Variants in LSMEM1 observed in about 807,000 individuals in gnomAD.
The protein encoded by LSMEM1 is leucine-rich single-pass membrane protein 1.
In LSMEM1, 10 loss-of-function variants were observed where a neutral mutation model predicts 11.3. The observed-to-expected ratio is 0.89, with a 90% CI of 0.55 to 1.50. The LOEUF (loss-of-function observed/expected upper bound fraction) is 1.50. LSMEM1 is among the 40% of genes most tolerant of loss of function. The pLI is 0.00. For missense variants in LSMEM1, 151 were observed against 152.9 expected, an observed-to-expected ratio of 0.99 and a Z score of 0.06; for synonymous variants, 65 against 59.3, an observed-to-expected ratio of 1.10 and a Z score of -0.44.
chr7:112,490,469 G>A lies in LSMEM1; in HGVS notation c.*520G>A, dbSNP rs754629449. On this transcript the variant is annotated 3_prime_UTR_variant, in exon 4 of 4. Coordinates refer to ENST00000312849, the MANE Select transcript of LSMEM1 (RefSeq NM_182597.3). ...ACTCTATTTCCCCAGGGACAGTGAT[G>A]GGTGGGCCCCAGAGCTAGTTGCTGT... The A allele has an allele frequency of 6.6e-6, 1 of 152,646 alleles. No homozygotes were observed. Among genetic ancestry groups the A allele is most frequent in the African/African-American group, 2.4e-5 (1 of 41,452 alleles). The allele number at this position is 152,646 out of a possible 1,614,324, so 9.5% of individuals were successfully genotyped here.
chr7:112,481,827 G>T (rs12539263), intron 1 of LSMEM1, among the ~76,000 whole-genome samples: 72,025 of 152,064 alleles, frequency 0.47, 17,494 homozygotes, highest in Non-Finnish European at 0.51. Flanking sequence ...ATAAGAAAGG[G>T]TTCTGTTAAA....
In LSMEM1 at chr7:112,488,749, G is replaced by T. The variant is rs10280352; in HGVS notation, c.257-1061G>T. 5.9e-5 allele frequency among the ~76,000 whole-genome samples: 9 copies of T among 151,994 alleles called. No individual in the cohort carries two copies. The East Asian group carries it at 1.2e-3, about 20-fold the overall frequency. On this transcript the variant is annotated intron_variant, in intron 3 of 3. Transcript: ENST00000312849. ...GTAGCTGGGACTACAGGTGTGAGCC[G>T]CCATGCCCAGCTAATTTTTGTATTT...
chr7:112,480,975 T>C, upstream of LSMEM1: 3 of 443,494 alleles, frequency 6.8e-6, no homozygotes, highest in Non-Finnish European at 1.4e-5. Context: ...TTCAGCCAGA[T>C]AAGGACGGTA....
chr7:112,484,837 C>A lies in LSMEM1; in HGVS notation c.21C>A (p.Asp7Glu). ...GGACAATGACTCATTCTTCCCAGGA[C>A]ACTGGTTCTTGTGGCATTCAGGAAG... Reference protein sequence around the residue: MTHSSQDTGSCGIQEDG... With the variant: MTHSSQETGSCGIQEDG... The change falls in exon 2 of 4, where the codon GAC becomes GAA. Residue 7 changes from aspartate to glutamate, a missense_variant. Physicochemically the swap from Asp to Glu is conservative, Grantham distance 45. Transcript: ENST00000312849. 1 of 1,613,652 alleles carries A rather than the reference C, an allele frequency of 6.2e-7. No individual in the cohort carries two copies. Among genetic ancestry groups the A allele is most frequent in the Non-Finnish European group, 8.5e-7 (1 of 1,179,700 alleles).
rs1483894135 is a variant in LSMEM1 at position 112,486,377 on chromosome 7, T to C, written c.128-546T>C. The C allele has an allele frequency of 8.6e-5, 39 of 454,556 alleles. No individual in the cohort carries two copies. In the Admixed American group the frequency reaches 9.2e-4, roughly 11 times the overall value. 28.2% of individuals were successfully genotyped at this position (454,556 alleles called of 1,614,324 possible). A position where few individuals can be genotyped will look rare whatever the true frequency, so the allele number is the denominator to read the frequency against. ...TGTTAAGACAGTCTTCAAAGAACTT[T>C]CCAAAGAGGTCTAAGGAGATAGCTT... On this transcript the variant is annotated intron_variant, in intron 2 of 3. Coordinates refer to ENST00000312849, the MANE Select transcript of LSMEM1 (RefSeq NM_182597.3).
At chr7:112,486,703 G>A (rs1584515657) in intron 2 of LSMEM1, 3 of 441,844 alleles carry the variant, frequency 6.8e-6, no homozygotes, top group South Asian at 5.1e-5. Flanking sequence ...GTGAACCCGG[G>A]AGGCAGAGGT....
intron 1 of LSMEM1, among the ~76,000 whole-genome samples, chr7:112,483,912 T>G (rs113381357): frequency 1.3e-5 from 2 of 152,226 alleles, no homozygotes; most frequent in Admixed American, 1.3e-4. Flanking sequence ...TAATTGAAAT[T>G]TGTCTTTCTA....
At chr7:112,486,818 G>A (rs1796138653) in intron 2 of LSMEM1, 105 bp from the exon 3 acceptor site, 1 of 1,455,466 alleles carries the variant, frequency 6.9e-7, no homozygotes, top group Non-Finnish European at 9.3e-7. Context: ...AGAGAAAGTG[G>A]GTGTGTCCAT....
At chr7:112,485,038 GGA>G in intron 2 of LSMEM1, 95 bp downstream of exon 2, 1 of 1,361,040 alleles carries the variant, frequency 7.3e-7, no homozygotes, top group Non-Finnish European at 9.9e-7. Flanking sequence ...TGGTGGAGGG[GGA>G]GGGGGCATTA....
At chr7:112,486,093 A>T (rs1204451895) in intron 2 of LSMEM1, 1 of 161,334 alleles carries the variant, frequency 6.2e-6, no homozygotes, top group Non-Finnish European at 1.4e-5. Context: ...AGACAGCTTT[A>T]AAAAACCAAA....
intron 3 of LSMEM1, 31 bp from the exon 4 acceptor site, chr7:112,489,779 A>G (rs951865272): frequency 6.3e-7 from 1 of 1,594,910 alleles, no homozygotes; most frequent in African/African-American, 1.3e-5. Context: ...AGTGGAAACC[A>G]ATGTAACACA....
At chr7:112,487,360 C>T (rs1466445405) in intron 3 of LSMEM1, among the ~76,000 whole-genome samples, 2 of 152,218 alleles carry the variant, frequency 1.3e-5, no homozygotes, top group Non-Finnish European at 2.9e-5. Flanking sequence ...CTGGTTGATT[C>T]TAGCTTTACT....
intron 3 of LSMEM1, 128 bp downstream of exon 3, chr7:112,487,179 A>G: frequency 2.7e-6 from 3 of 1,113,310 alleles, no homozygotes; most frequent in South Asian, 1.6e-5. Context: ...CATTGAAAAA[A>G]GAAGGAATGC....
At chr7:112,485,138 G>A (rs1796104463) in intron 2 of LSMEM1, among the ~76,000 whole-genome samples, 195 bp downstream of exon 2, 1 of 152,040 alleles carries the variant, frequency 6.6e-6, no homozygotes, top group Non-Finnish European at 1.5e-5. Context: ...GGGCTTTCTT[G>A]GATCCTACAC....
At chr7:112,484,676 C>A in intron 1 of LSMEM1, 136 bp from the exon 2 acceptor site, 1 of 860,142 alleles carries the variant, frequency 1.2e-6, no homozygotes, top group Non-Finnish European at 1.8e-6. Context: ...AAGCCAAGTT[C>A]TCTAGAGCCT....
chr7:112,484,784 T>C, intron 1 of LSMEM1, 28 bp from the exon 2 acceptor site: 1 of 1,607,260 alleles, frequency 6.2e-7, no homozygotes, highest in East Asian at 2.2e-5. Context: ...CCCAACCTCT[T>C]GTTTTTAACA....
chr7:112,486,073 T>C (rs1796122503), intron 2 of LSMEM1: 1 of 157,090 alleles, frequency 6.4e-6, no homozygotes, highest in African/African-American at 2.4e-5. Context: ...CCAGAGCATA[T>C]CCATCCAGAA....
rs544127044 is a variant in LSMEM1 at position 112,487,017 on chromosome 7, C to A, written c.222C>A (p.Ser74Arg). ...FVGLLIVLIV[S>R]LALVFFVIFL... is the part of the protein sequence containing the mutation. The stretch of plus-strand genomic sequence containing the variant: ...GGCTGCTAATTGTGCTGATTGTCAG[C>A]CTGGCACTGGTTTTTTTCGTGATAT... Residue 74 changes from serine (S) to arginine (R), a missense_variant, in exon 3 of 4, where the codon AGC becomes AGA. Transcript: ENST00000312849. 4.4e-5 allele frequency: 71 copies of A among 1,614,100 alleles called. No individual in the cohort carries two copies. Among genetic ancestry groups the A allele is most frequent in the Non-Finnish European group, 5.6e-5 (66 of 1,179,994 alleles).
intron 1 of LSMEM1, among the ~76,000 whole-genome samples, chr7:112,483,198 T>C (rs962049322): frequency 6.6e-6 from 1 of 151,996 alleles, no homozygotes; most frequent in African/African-American, 2.4e-5. Context: ...ATTCTGTAGA[T>C]GAGTTTTAAA....
Sources: allele counts gnomAD v4.1 joint callset (sites outside exome capture counted in the v4.1 genomes callset), GRCh38; gene constraint gnomAD v4.1.1; transcripts MANE v1.5; gene names NCBI Gene and HGNC (gene_info 2026-07-23, HGNC 2026-07-21).